The following CARD9 variants were observed in gnomAD, a reference collection of about 807,000 sequenced individuals.
The protein encoded by CARD9 is caspase recruitment domain-containing protein 9.
Under a neutral mutation model 66.0 loss-of-function variants are expected in CARD9, and 53 were observed. That is an observed-to-expected ratio of 0.80 (90% confidence interval 0.64 to 1.01). CARD9 has a LOEUF of 1.01. Among genes scored for constraint, CARD9 ranks in the 50% least tolerant of loss-of-function variants. The pLI, the probability that CARD9 is intolerant of heterozygous loss-of-function variation, is 0.00. For missense variants in CARD9, 769 were observed against 743.2 expected, an observed-to-expected ratio of 1.03 and a Z score of -0.40; for synonymous variants, 387 against 313.8, an observed-to-expected ratio of 1.23 and a Z score of -2.47.
In CARD9 at chr9:136,364,579, C is replaced by A; in HGVS notation, c.1435-20G>T. ...TGCGTCCTGGAGAAGGGGGAAGGCTCGGGCTCCGGCCGGCTCCCCTGAGGG... is the reference window on the plus strand; with the variant it reads ...TGCGTCCTGGAGAAGGGGGAAGGCTAGGGCTCCGGCCGGCTCCCCTGAGGG... On this transcript the variant is annotated intron_variant, in intron 11 of 12. Transcript: ENST00000371732. 2 of 1,534,318 alleles carry A rather than the reference C, an allele frequency of 1.3e-6. No homozygotes were observed. Among genetic ancestry groups the A allele is most frequent in the Non-Finnish European group, 1.7e-6 (2 of 1,144,492 alleles).
intron 7 of CARD9, among the ~76,000 whole-genome samples, chr9:136,368,737 G>A (rs2131439815): frequency 6.6e-6 from 1 of 152,356 alleles, no homozygotes; most frequent in South Asian, 2.1e-4. Flanking sequence ...GGCCCAGGCT[G>A]GAGTGCAATA....
intron 7 of CARD9, among the ~76,000 whole-genome samples, chr9:136,369,103 A>G (rs1445655774): frequency 6.6e-6 from 1 of 152,136 alleles, no homozygotes; most frequent in Non-Finnish European, 1.5e-5. Flanking sequence ...TATAGGCGTG[A>G]GCCACCGCGC....
In CARD9 at chr9:136,372,016, G is replaced by A. The variant is rs1446283081; in HGVS notation, c.63C>T (p.Leu21=). ...TGCGTGAGGGGTCGATGACCGAGGT[G>A]AGCGTCACCCGGAAGCCCTCCAGGA... ...WSVLEGFRVT[L]TSVIDPSRIT... The change falls in exon 2 of 13, where the codon CTC becomes CTT. Residue 21 remains leucine, a synonymous_variant. Coordinates refer to ENST00000371732, the MANE Select transcript of CARD9 (RefSeq NM_052813.5). 2 of 1,612,836 alleles carry A rather than the reference G, an allele frequency of 1.2e-6. No individual in the cohort carries two copies. The highest frequency in any genetic ancestry group is 1.7e-6 in the Non-Finnish European group (2 of 1,179,960).
intron 11 of CARD9, 27 bp from the exon 12 acceptor site, chr9:136,364,586 C>CT: frequency 6.5e-7 from 1 of 1,532,716 alleles, no homozygotes; most frequent in Non-Finnish European, 8.7e-7. Flanking sequence ...GCTCGGGCTC[C>CT]GGCCGGCTCC....
At position 136,364,535 on chromosome 9, in the gene CARD9, G is replaced by T; in HGVS notation, c.1459C>A (p.Pro487Thr). ...AGGCGCCGCCGCTCCTTCTCGGGCGGCTCCCCGCTGCTCAGGCCTGCGTCC... is the reference window on the plus strand; with the variant it reads ...AGGCGCCGCCGCTCCTTCTCGGGCGTCTCCCCGCTGCTCAGGCCTGCGTCC... Reference protein sequence around the residue: ...PHDAGLSSGEPPEKERRRLKE... With the variant: ...PHDAGLSSGETPEKERRRLKE... Residue 487 changes from proline (P) to threonine (T), a missense_variant, in exon 12 of 13, where the codon CCG becomes ACG. By Grantham distance (38) the Pro-to-Thr change is conservative. Transcript: ENST00000371732. 6.5e-7 allele frequency: 1 copy of T among 1,538,742 alleles called. No homozygotes were observed. Among genetic ancestry groups the T allele is most frequent in the Non-Finnish European group, 8.7e-7 (1 of 1,146,796 alleles).
chr9:136,365,274 C>G lies in CARD9; in HGVS notation c.1358-57G>C. ...CCCATCTGCTGGGCCACGTATAGCA[C>G]GGCTGCCCCACCCCTCCCCGGCATT... On this transcript the variant is annotated intron_variant, in intron 10 of 12. Transcript: ENST00000371732. 2.6e-6 allele frequency: 4 copies of G among 1,539,442 alleles called. No individual in the cohort carries two copies. The South Asian group carries it at 3.4e-5, about 13-fold the overall frequency.
intron 7 of CARD9, among the ~76,000 whole-genome samples, chr9:136,369,173 C>G (rs1378256851): frequency 6.6e-6 from 1 of 152,108 alleles, no homozygotes; most frequent in Admixed American, 6.6e-5. Context: ...CCAGGCTGCT[C>G]TGGAACTCCT....
chr9:136,370,874 G>A lies in CARD9; in HGVS notation c.594C>T (p.Ala198=), dbSNP rs1348702255. Residue 198 remains alanine (A), a synonymous_variant, in exon 4 of 13, where the codon GCC becomes GCT. Coordinates refer to ENST00000371732, the MANE Select transcript of CARD9 (RefSeq NM_052813.5). ...RLAHQSEEKG[A]ALMRNRDLQL... ...GCAGGTCACGGTTCCGCATGAGCGC[G>A]GCGCCCTTCTCCTCACTCTGGTGCG... is the stretch of plus-strand genomic sequence containing the variant. The A allele has an allele frequency of 6.2e-6, 10 of 1,604,596 alleles. No homozygotes were observed. Among genetic ancestry groups the A allele is most frequent in the African/African-American group, 4.0e-5 (3 of 74,702 alleles).
Position 136,364,981 on chromosome 9 carries a change from A to T in CARD9, c.1434+160T>A, listed in dbSNP as rs921825356. On this transcript the variant is annotated intron_variant, in intron 11 of 12. Transcript: ENST00000371732. Reference sequence around the variant, plus strand: ...GAAAGGGGGATCCACTTCGCAGCCCAGACACCGCACCCCGAGCACTGTGGG... The same window carrying T: ...GAAAGGGGGATCCACTTCGCAGCCCTGACACCGCACCCCGAGCACTGTGGG... 3 of 675,734 alleles carry T rather than the reference A, an allele frequency of 4.4e-6. No homozygotes were observed. The South Asian group carries it at 5.6e-5, about 13-fold the overall frequency. 41.9% of individuals were successfully genotyped at this position (675,734 alleles called of 1,614,324 possible).
chr9:136,372,090 G>T lies in CARD9; in HGVS notation c.-12C>A. The T allele has an allele frequency of 6.2e-7, 1 of 1,612,284 alleles. No individual in the cohort carries two copies. ...TCGTAGTCCGACATGGCCTCAGCAG[G>T]CAGGCTGGGGAGTGTGGGGCAGTGC... On this transcript the variant is annotated 5_prime_UTR_variant, in exon 2 of 13. Coordinates refer to ENST00000371732, the MANE Select transcript of CARD9 (RefSeq NM_052813.5).
chr9:136,371,518 G>T, intron 2 of CARD9, 57 bp from the exon 3 acceptor site: 1 of 1,493,124 alleles, frequency 6.7e-7, no homozygotes. Flanking sequence ...GAGGGCTGGG[G>T]TGGGTGGGCC....
At position 136,367,263 on chromosome 9, in the gene CARD9, G is replaced by A. The variant is rs1364848065; in HGVS notation, c.1270-6C>T. 1.9e-6 allele frequency: 3 copies of A among 1,612,430 alleles called. No homozygotes were observed. Among genetic ancestry groups the A allele is most frequent in the African/African-American group, 2.7e-5 (2 of 74,930 alleles). On this transcript the variant is annotated splice_polypyrimidine_tract_variant and splice_region_variant and intron_variant, in intron 8 of 12. Coordinates refer to ENST00000371732, the MANE Select transcript of CARD9 (RefSeq NM_052813.5). ...CCATCTTCCAGGTCGGAGCTCTGTG[G>A]TCATAGAAAATGGGGTGGGTGGGCT... is the stretch of plus-strand genomic sequence containing the variant.
At chr9:136,373,283 G>A (rs977343943) in intron 1 of CARD9, among the ~76,000 whole-genome samples, 2 of 152,260 alleles carry the variant, frequency 1.3e-5, no homozygotes, top group Non-Finnish European at 2.9e-5. Context: ...ACGGTAGACA[G>A]TCCTGGGAAC....
rs566227526 is a variant in CARD9, at chr9:136,370,241, C to T, written c.951+53G>A. 6.9e-5 allele frequency: 109 copies of T among 1,578,166 alleles called. No individual in the cohort carries two copies. The East Asian group carries it at 7.3e-4, about 11-fold the overall frequency. On this transcript the variant is annotated intron_variant, in intron 6 of 12. Transcript: ENST00000371732. ...GGCACGGAGTGGGCGGAGCTCAGCC[C>T]GTCCAGCCTGGCTTGGACCCCAGGG... is the stretch of plus-strand genomic sequence containing the variant.
At position 136,366,483 on chromosome 9, in the gene CARD9, C is replaced by T. The variant is rs1190377889; in HGVS notation, c.1357+317G>A. The T allele has an allele frequency of 5.5e-5, 26 of 471,900 alleles. No individual in the cohort carries two copies. The Admixed American group carries it at 8.3e-4, about 15-fold the overall frequency. 29.2% of individuals were successfully genotyped at this position (471,900 alleles called of 1,614,324 possible). A position where few individuals can be genotyped will look rare whatever the true frequency, so the allele number is the denominator to read the frequency against. On this transcript the variant is annotated intron_variant, in intron 10 of 12. Coordinates refer to ENST00000371732, the MANE Select transcript of CARD9 (RefSeq NM_052813.5). ...TCACCTCTGCACCCCGTGGGGGCTG[C>T]CCAGAGGGGCCCCACACTCTCAGGA... is the stretch of plus-strand genomic sequence containing the variant.
chr9:136,370,773 C>A, intron 4 of CARD9, 68 bp downstream of exon 4: 1 of 1,605,606 alleles, frequency 6.2e-7, no homozygotes, highest in Non-Finnish European at 8.5e-7. Flanking sequence ...CACCCCCGAC[C>A]GCCCCGGCCT....
Position 136,370,997 on chromosome 9 carries a change from G to C in CARD9, c.471C>G (p.His157Gln). The change falls in exon 4 of 13, where the codon CAC becomes CAG. Residue 157 changes from histidine to glutamine, a missense_variant. Coordinates refer to ENST00000371732, the MANE Select transcript of CARD9 (RefSeq NM_052813.5). ...LRVKDSLLRK[H>Q]QERVQRLKEE... The stretch of plus-strand genomic sequence containing the variant: ...CCTTGAGCCTCTGCACACGCTCCTG[G>C]TGCTTGCGCAGCAGGCTGTCCTTCA... 1 of 1,611,500 alleles carries C rather than the reference G, an allele frequency of 6.2e-7. No individual in the cohort carries two copies. The highest frequency in any genetic ancestry group is 8.5e-7 in the Non-Finnish European group (1 of 1,179,470).
chr9:136,366,080 C>T (rs1322536939), intron 10 of CARD9: 1 of 152,880 alleles, frequency 6.5e-6, no homozygotes, highest in East Asian at 1.9e-4. Flanking sequence ...GAAGCTTGTC[C>T]AACTCCGGTG....
chr9:136,370,111 C>T lies in CARD9; in HGVS notation c.951+183G>A, dbSNP rs1012880748. ...AGGCACCATGAGCCCAGAGGTTGGC[C>T]TTTGCCATGGGGGGCAGGCGGGCAA... On this transcript the variant is annotated intron_variant, in intron 6 of 12. Coordinates refer to ENST00000371732, the MANE Select transcript of CARD9 (RefSeq NM_052813.5). 1.8e-5 allele frequency: 25 copies of T among 1,417,882 alleles called. No individual in the cohort carries two copies. In the African/African-American group the frequency reaches 3.4e-4, roughly 19 times the overall value. The allele number at this position is 1,417,882 out of a possible 1,614,324, so 87.8% of individuals were successfully genotyped here. A position where few individuals can be genotyped will look rare whatever the true frequency, so the allele number is the denominator to read the frequency against.
Sources: allele counts gnomAD v4.1 joint callset (sites outside exome capture counted in the v4.1 genomes callset), GRCh38; gene constraint gnomAD v4.1.1; transcripts MANE v1.5; gene names NCBI Gene and HGNC (gene_info 2026-07-23, HGNC 2026-07-21).